Variants in ATM observed in about 807,000 individuals in gnomAD.
ATM encodes the protein ATM serine/threonine kinase.
A neutral mutation model predicts 387.0 loss-of-function variants in ATM; 308 were observed. That is an observed-to-expected ratio of 0.80 (90% CI 0.73 to 0.87). The LOEUF is 0.87. Ranked by LOEUF, ATM falls within the 40% of genes least tolerant of loss-of-function variation. The pLI, the probability that ATM is intolerant of heterozygous loss-of-function variation, is 0.00. For synonymous variants in ATM, 1,156 were observed against 1,187.3 expected, an observed-to-expected ratio of 0.97 and a Z score of 0.54; for missense variants, 3,312 against 3,560.9, an observed-to-expected ratio of 0.93 and a Z score of 1.78.
At position 108,326,121 on chromosome 11, in the gene ATM, T is replaced by C. The variant is rs746815819; in HGVS notation, c.6871T>C (p.Trp2291Arg). ...TTCAGTTAGCTGTGGAGTCTCTGAG[T>C]GGCAGCTGGAAGAAGCACAAGTATT... ...YNSVSCGVSEWQLEEAQVFWA... is the reference protein window; with the variant it reads ...YNSVSCGVSERQLEEAQVFWA... Residue 2291 changes from tryptophan to arginine, a missense_variant, in exon 47 of 63, where the codon TGG becomes CGG. Physicochemically the swap from Trp to Arg is moderately radical, Grantham distance 101 (BLOSUM62 -3). Transcript: ENST00000675843. The C allele has an allele frequency of 6.2e-7, 1 of 1,614,118 alleles. No homozygotes were observed. The highest frequency in any genetic ancestry group is 8.5e-7 in the Non-Finnish European group (1 of 1,179,994).
intron 16 of ATM, among the ~76,000 whole-genome samples, chr11:108,264,502 A>G (rs1591575102): frequency 6.6e-6 from 1 of 152,182 alleles, no homozygotes; most frequent in Non-Finnish European, 1.5e-5. Context: ...AGAGCTATCT[A>G]TGACAGTCCC....
Position 108,353,857 on chromosome 11 carries a change from G to T in ATM, c.8763G>T (p.Thr2921=), listed in dbSNP as rs781528244. 3 of 1,613,552 alleles carry T rather than the reference G, an allele frequency of 1.9e-6. No individual in the cohort carries two copies. Among genetic ancestry groups the T allele is most frequent in the South Asian group, 1.1e-5 (1 of 91,070 alleles). Residue 2921 remains threonine (T), a synonymous_variant, in exon 60 of 63, where the codon ACG becomes ACT. Coordinates refer to ENST00000675843, the MANE Select transcript of ATM (RefSeq NM_000051.4). ...TRDIVDGMGI[T]GVEGVFRRCC... Reference sequence around the variant, plus strand: ...ATATTGTGGATGGCATGGGCATTACGGGTGTTGAAGGTGTCTTCAGAAGGT... The same window carrying T: ...ATATTGTGGATGGCATGGGCATTACTGGTGTTGAAGGTGTCTTCAGAAGGT...
At chr11:108,244,243 A>G (rs763030865) in intron 6 of ATM, 125 bp downstream of exon 6, 2 of 1,121,678 alleles carry the variant, frequency 1.8e-6, no homozygotes, top group Non-Finnish European at 2.6e-6. Context: ...TAACAGAACT[A>G]GTGGATTCCT....
At position 108,321,456 on chromosome 11, in the gene ATM, C is replaced by T. The variant is rs773257498; in HGVS notation, c.6572+36C>T. The T allele has an allele frequency of 1.5e-5, 25 of 1,613,482 alleles. No individual in the cohort carries two copies. In the South Asian group the frequency reaches 2.7e-4, roughly 18 times the overall value. ...CGTATGACTTTGTTATCCTAAAGTG[C>T]AGCTTTTCTGTTACCAATAGTGACT... On this transcript the variant is annotated intron_variant, in intron 45 of 62. Transcript: ENST00000675843.
intron 37 of ATM, among the ~76,000 whole-genome samples, chr11:108,306,091 C>G (rs2083675529): frequency 6.6e-6 from 1 of 152,174 alleles, no homozygotes; most frequent in South Asian, 2.1e-4. Context: ...ACTGCTACAA[C>G]CTTCATTTGA....
chr11:108,240,865 T>G (rs1027711940), intron 5 of ATM, among the ~76,000 whole-genome samples: 4 of 152,208 alleles, frequency 2.6e-5, no homozygotes, highest in African/African-American at 9.6e-5. Context: ...AAAGTAACAT[T>G]AGCTACTATA....
chr11:108,327,807 C>A, intron 48 of ATM, 49 bp downstream of exon 48: 1 of 1,334,204 alleles, frequency 7.5e-7, no homozygotes, highest in Non-Finnish European at 1.1e-6. Context: ...CATGAATATG[C>A]TTCATCTTTT....
chr11:108,311,431 C>T (rs2084147903), intron 39 of ATM, among the ~76,000 whole-genome samples: 1 of 152,258 alleles, frequency 6.6e-6, no homozygotes, highest in East Asian at 1.9e-4. Context: ...CACAGTGGCT[C>T]ACGCATGTAA....
intron 47 of ATM, 106 bp downstream of exon 47, chr11:108,326,331 G>A: frequency 7.2e-7 from 1 of 1,390,980 alleles, no homozygotes; most frequent in Non-Finnish European, 9.7e-7. Context: ...CTTGAAATTA[G>A]TAATTTATTA....
intron 14 of ATM, among the ~76,000 whole-genome samples, 178 bp from the exon 15 acceptor site, chr11:108,257,303 T>A (rs550301924): frequency 6.6e-6 from 1 of 152,246 alleles, no homozygotes; most frequent in Non-Finnish European, 1.5e-5. Flanking sequence ...AAAAAATTGT[T>A]AATGAGTTTT....
rs1297586575 is a variant in ATM, at chr11:108,326,155, A to G, written c.6905A>G (p.Lys2302Arg). 1.2e-6 allele frequency: 2 copies of G among 1,614,184 alleles called. No individual in the cohort carries two copies. The highest frequency in any genetic ancestry group is 2.7e-5 in the African/African-American group (2 of 75,040). The change falls in exon 47 of 63, where the codon AAA (lysine) becomes AGA (arginine). Residue 2302 changes from lysine (K) to arginine (R), a missense_variant. Lys to Arg is a conservative substitution (Grantham distance 26). This residue lies in a region of ATM where 1,405 missense variants were observed against 1,604.4 expected (regional missense o/e 0.88). Transcript: ENST00000675843. ...GAAGAAGCACAAGTATTCTGGGCAA[A>G]AAAGGAGCAGAGTCTTGCCCTGAGT... ...QLEEAQVFWA[K>R]KEQSLALSIL...
chr11:108,330,106 T>C lies in ATM; in HGVS notation c.7308-108T>C, dbSNP rs2086094839. On this transcript the variant is annotated intron_variant, in intron 49 of 62. Coordinates refer to ENST00000675843, the MANE Select transcript of ATM (RefSeq NM_000051.4). ...ATCCTTAGAAGTTTGCTTTTTTCCC[T>C]GGGATAAAAACCCAACTTTTTTCAT... 4.0e-6 allele frequency: 5 copies of C among 1,257,396 alleles called. No individual in the cohort carries two copies. In the South Asian group the frequency reaches 6.6e-5, roughly 17 times the overall value. 77.9% of individuals were successfully genotyped at this position (1,257,396 alleles called of 1,614,324 possible). A position where few individuals can be genotyped will look rare whatever the true frequency, so the allele number is the denominator to read the frequency against.
chr11:108,364,643 G>A (rs551423554), intron 61 of ATM, among the ~76,000 whole-genome samples: 5 of 152,190 alleles, frequency 3.3e-5, no homozygotes, highest in African/African-American at 1.2e-4. Context: ...TATTGGAGAA[G>A]ACGGCTTAGG....
rs369647934 is a variant in ATM, at chr11:108,251,777, G to GATAAAGTCTTTGCCC, written c.1608-59_1608-45dup. On this transcript the variant is annotated intron_variant, in intron 10 of 62. Coordinates refer to ENST00000675843, the MANE Select transcript of ATM (RefSeq NM_000051.4). Reference sequence around the variant, plus strand: ...GTATGTGCCAGGCACTGTCCTGATAGATAAAGTCTTTGCCCCTCCAATAGC... The same window carrying GATAAAGTCTTTGCCC: ...GTATGTGCCAGGCACTGTCCTGATAGATAAAGTCTTTGCCCATAAAGTCTTTGCCCCTCCAATAGC... 22 of 1,531,912 alleles carry GATAAAGTCTTTGCCC rather than the reference G, an allele frequency of 1.4e-5. No homozygotes were observed. In the African/African-American group the frequency reaches 2.7e-4, roughly 19 times the overall value. 94.9% of individuals were successfully genotyped at this position (1,531,912 alleles called of 1,614,324 possible).
At chr11:108,336,411 ATTTATTAATG>A (rs1020822279) in intron 56 of ATM, 1 of 158,962 alleles carries the variant, frequency 6.3e-6, no homozygotes, top group African/African-American at 2.4e-5. Flanking sequence ...TGTAAAAAGT[ATTTATTAATG>A]TTAATTATAG....
At position 108,366,134 on chromosome 11, in the gene ATM, CAGTT is replaced by C. The variant is rs941339869; in HGVS notation, c.*630_*633del. 3.1e-5 allele frequency: 6 copies of C among 191,544 alleles called. No homozygotes were observed. The East Asian group carries it at 3.4e-4, about 11-fold the overall frequency. 11.9% of individuals were successfully genotyped at this position (191,544 alleles called of 1,614,324 possible). A position where few individuals can be genotyped will look rare whatever the true frequency, so the allele number is the denominator to read the frequency against. ...TTATGGAGAACAAATTTCAAAGACA[CAGTT>C]AGTGTAGTTACTATTTTTTTAAGTG... On this transcript the variant is annotated 3_prime_UTR_variant, in exon 63 of 63. Coordinates refer to ENST00000675843, the MANE Select transcript of ATM (RefSeq NM_000051.4).
At chr11:108,333,020 T>G in intron 53 of ATM, 120 bp downstream of exon 53, 2 of 1,274,876 alleles carry the variant, frequency 1.6e-6, no homozygotes, top group Non-Finnish European at 2.2e-6. Flanking sequence ...TCCAAAAGCT[T>G]AATTTATATC....
rs1555104814 is a variant in ATM at position 108,299,891 on chromosome 11, T to A, written c.5177+6T>A. 6.2e-7 allele frequency: 1 copy of A among 1,610,218 alleles called. No individual in the cohort carries two copies. The highest frequency in any genetic ancestry group is 1.7e-4 in the Middle Eastern group (1 of 5,964). On this transcript the variant is annotated splice_donor_region_variant and intron_variant, in intron 34 of 62. Transcript: ENST00000675843. ...AACACACTGGTAGAAGATTGGTGAG[T>A]ATTTATTGATACCTTATATGTAATC... is the stretch of plus-strand genomic sequence containing the variant.
intron 39 of ATM, among the ~76,000 whole-genome samples, chr11:108,311,255 A>G (rs987923971): frequency 6.6e-6 from 1 of 152,196 alleles, no homozygotes; most frequent in East Asian, 1.9e-4. Context: ...GATTACAAGC[A>G]TGAGCCGCTG....
Sources: gnomAD v4.1 joint callset for allele counts (sites outside exome capture counted in the v4.1 genomes callset) on GRCh38, gnomAD v4.1.1 for gene constraint, gnomAD v4.1.1 regional missense constraint, MANE v1.5 for transcripts, NCBI Gene and HGNC (gene_info 2026-07-23, HGNC 2026-07-21) for gene names.